The following PRKCE variants were observed in gnomAD, a reference collection of about 807,000 sequenced individuals.
The protein encoded by PRKCE is protein kinase C epsilon.
PRKCE carries 16 observed loss-of-function variants against 85.4 expected under a neutral mutation model. That is an observed-to-expected ratio of 0.19 (90% CI 0.13 to 0.28). The LOEUF (loss-of-function observed/expected upper bound fraction) is 0.28, where lower values mean the gene tolerates loss of function less well. Among genes scored for constraint, PRKCE ranks in the 10% least tolerant of loss-of-function variants. The pLI, the probability that PRKCE is intolerant of heterozygous loss-of-function variation, is 1.00. For synonymous variants in PRKCE, 388 were observed against 371.5 expected (o/e 1.04, Z -0.51); for missense variants, 573 against 975.2 (o/e 0.59, Z 5.49).
chr2:45,873,572 G>C (rs184727933), intron 2 of PRKCE, among the ~76,000 whole-genome samples: 7 of 152,170 alleles, frequency 4.6e-5, no homozygotes, highest in African/African-American at 1.4e-4. Context: ...CTTGTTAGAC[G>C]TAAGTGTAGA....
intron 10 of PRKCE, among the ~76,000 whole-genome samples, chr2:46,046,912 T>C (rs1213505904): frequency 6.6e-6 from 1 of 152,224 alleles, no homozygotes; most frequent in African/African-American, 2.4e-5. Context: ...CAGCCCTATT[T>C]CCACTTTCAT....
rs1558623864 is a variant in PRKCE, at chr2:45,744,488, T to TCC, written c.348+92040_348+92041insCC. Among the ~76,000 whole-genome samples, 5 of 29,202 alleles carry TCC rather than the reference T, an allele frequency of 1.7e-4. 1 individual carries two copies. Among genetic ancestry groups the TCC allele is most frequent in the South Asian group, 1.5e-3 (1 of 654 alleles). The allele number at this position is 29,202 out of a possible 152,430, so 19.2% of individuals were successfully genotyped here. ...TTCTTTCTTTCTTTCTTTCTTTCTTTTTCTTTCTTTCTTTTCTTTCTTTCT... is the reference window on the plus strand; with the variant it reads ...TTCTTTCTTTCTTTCTTTCTTTCTTTCCTTCTTTCTTTCTTTTCTTTCTTTCT... On this transcript the variant is annotated intron_variant, in intron 1 of 14. Coordinates refer to ENST00000306156, the MANE Select transcript of PRKCE (RefSeq NM_005400.3).
rs200018797 is a variant in PRKCE, at chr2:45,842,612, A to G, written c.349-388A>G. ...TTTCTCAACCTCAACATCATTGATG[A>G]CATTTGGGGCTGAATGATTCTTTGT... On this transcript the variant is annotated intron_variant, in intron 1 of 14. Transcript: ENST00000306156. 1.1e-4 allele frequency among the ~76,000 whole-genome samples: 16 copies of G among 152,292 alleles called. No individual in the cohort carries two copies. In the East Asian group the frequency reaches 3.1e-3, roughly 29 times the overall value.
intron 14 of PRKCE, among the ~76,000 whole-genome samples, chr2:46,162,314 C>A (rs1035661252): frequency 2.6e-5 from 4 of 152,184 alleles, no homozygotes; most frequent in African/African-American, 9.7e-5. Flanking sequence ...TGTTTGCTTT[C>A]TTTTGCCTGG....
At chr2:45,726,769 T>C (rs77486217) in intron 1 of PRKCE, among the ~76,000 whole-genome samples, 3 of 152,184 alleles carry the variant, frequency 2.0e-5, no homozygotes, top group African/African-American at 2.4e-5. Context: ...AGCCTGTGGC[T>C]ACTGATCCTA....
intron 1 of PRKCE, among the ~76,000 whole-genome samples, chr2:45,759,817 G>C (rs1162522507): frequency 2.0e-5 from 3 of 152,198 alleles, no homozygotes; most frequent in South Asian, 4.1e-4. Flanking sequence ...AGAGATGCAG[G>C]GAGGGGCGGT....
chr2:45,910,820 C>T (rs1021226615), intron 2 of PRKCE, among the ~76,000 whole-genome samples: 5 of 152,068 alleles, frequency 3.3e-5, no homozygotes, highest in Non-Finnish European at 4.4e-5. Flanking sequence ...TGGCAGGGGG[C>T]GGTGAGCAGT....
chr2:45,737,628 T>C (rs1027555387), intron 1 of PRKCE, among the ~76,000 whole-genome samples: 3 of 151,392 alleles, frequency 2.0e-5, no homozygotes, highest in Non-Finnish European at 4.4e-5. Context: ...CTGCCCTACC[T>C]GGCCCCCTTC....
Position 46,044,893 on chromosome 2 carries a change from C to T in PRKCE, c.1437+34376C>T, listed in dbSNP as rs184942165. On this transcript the variant is annotated intron_variant, in intron 10 of 14. Coordinates refer to ENST00000306156, the MANE Select transcript of PRKCE (RefSeq NM_005400.3). ...ATCTGTCACAGGGAAGGCTTCACTC[C>T]ACGTGGTGTGTGATTCTAGTGTATG... Among the ~76,000 whole-genome samples, 35 of 152,310 alleles carry T rather than the reference C, an allele frequency of 2.3e-4. No individual in the cohort carries two copies. In the East Asian group the frequency reaches 5.6e-3, roughly 24 times the overall value.
chr2:46,167,648 A>C (rs1437325857), intron 14 of PRKCE: 1 of 152,170 alleles, frequency 6.6e-6, no homozygotes, highest in Admixed American at 6.5e-5. Flanking sequence ...GGAGGGAGGT[A>C]CTGCGAGGGT....
chr2:45,925,185 A>T lies in PRKCE; in HGVS notation c.413-51244A>T, dbSNP rs927623007. Among the ~76,000 whole-genome samples the T allele has an allele frequency of 2.0e-4, 30 of 152,328 alleles. 1 individual carries two copies. Among genetic ancestry groups the T allele is most frequent in the African/African-American group, 7.2e-4 (30 of 41,568 alleles). The stretch of plus-strand genomic sequence containing the variant: ...GAGGATGTCCAGTTTCTCATTTCCA[A>T]GACTCGTACTAAGGGAGAGGGTGTT... On this transcript the variant is annotated intron_variant, in intron 2 of 14. Transcript: ENST00000306156.
At chr2:45,964,126 T>C (rs1701574326) in intron 2 of PRKCE, among the ~76,000 whole-genome samples, 1 of 152,210 alleles carries the variant, frequency 6.6e-6, no homozygotes, top group South Asian at 2.1e-4. Flanking sequence ...GCAGTGCCTA[T>C]GGCATTAAAA....
intron 1 of PRKCE, among the ~76,000 whole-genome samples, chr2:45,687,640 C>G (rs1381122978): frequency 1.3e-5 from 2 of 152,142 alleles, no homozygotes; most frequent in Non-Finnish European, 2.9e-5. Flanking sequence ...TCTTTCATTA[C>G]TCTATGTTTC....
intron 11 of PRKCE, among the ~76,000 whole-genome samples, chr2:46,101,562 C>T (rs548656552): frequency 2.0e-5 from 3 of 152,164 alleles, no homozygotes; most frequent in Non-Finnish European, 4.4e-5. Context: ...GCCAGGGACC[C>T]TAGCCTCAGA....
chr2:45,835,756 AT>A (rs960396512), intron 1 of PRKCE, among the ~76,000 whole-genome samples: 3 of 149,786 alleles, frequency 2.0e-5, no homozygotes, highest in East Asian at 3.9e-4. Context: ...ATGCTCAGCT[AT>A]TTTTTTTTCT....
chr2:45,866,155 T>C (rs1309014259), intron 2 of PRKCE, among the ~76,000 whole-genome samples: 2 of 151,948 alleles, frequency 1.3e-5, no homozygotes, highest in Non-Finnish European at 2.9e-5. Flanking sequence ...GTCCCAGATA[T>C]TTTGTTACAG....
intron 1 of PRKCE, among the ~76,000 whole-genome samples, chr2:45,772,861 C>G (rs1313890934): frequency 6.6e-6 from 1 of 152,042 alleles, no homozygotes; most frequent in Non-Finnish European, 1.5e-5. Context: ...CTGCATGAAC[C>G]CTGAGACTAT....
intron 12 of PRKCE, among the ~76,000 whole-genome samples, chr2:46,150,094 C>T (rs1676468993): frequency 6.6e-6 from 1 of 152,126 alleles, no homozygotes; most frequent in Non-Finnish European, 1.5e-5. Context: ...AAGTGATCCT[C>T]CCACCTCAGC....
At chr2:45,747,872 C>CT (rs910468154) in intron 1 of PRKCE, among the ~76,000 whole-genome samples, 36 of 149,922 alleles carry the variant, frequency 2.4e-4, no homozygotes, top group East Asian at 3.9e-4. Context: ...ACTTAGTCTT[C>CT]TTTTTTTTTT....
Sources: allele counts gnomAD v4.1 joint callset (sites outside exome capture counted in the v4.1 genomes callset), GRCh38; gene constraint gnomAD v4.1.1; transcripts MANE v1.5; gene names NCBI Gene and HGNC (gene_info 2026-07-23, HGNC 2026-07-21).